The following ANKMY1 variants were observed in gnomAD, a reference collection of about 807,000 sequenced individuals.
The protein encoded by ANKMY1 is ankyrin repeat and MYND domain-containing protein 1.
Under a neutral mutation model 102.0 loss-of-function variants are expected in ANKMY1, and 98 were observed. That is an observed-to-expected ratio of 0.96 (90% CI 0.82 to 1.14). ANKMY1 has a LOEUF of 1.14. Ranked by LOEUF, ANKMY1 falls within the 50% of genes most tolerant of loss-of-function variation. The pLI is 0.00. For missense variants in ANKMY1, 1,330 were observed against 1,347.6 expected, an observed-to-expected ratio of 0.99 and a Z score of 0.20; for synonymous variants, 582 against 559.9, an observed-to-expected ratio of 1.04 and a Z score of -0.56.
intron 4 of ANKMY1, among the ~76,000 whole-genome samples, chr2:240,548,107 A>G (rs2124985147): frequency 6.6e-6 from 1 of 152,304 alleles, no homozygotes; most frequent in East Asian, 1.9e-4. Flanking sequence ...TGATGCAAAA[A>G]TCCTCAATAA....
chr2:240,554,868 C>G lies in ANKMY1; in HGVS notation c.334G>C (p.Glu112Gln), dbSNP rs754304844. The part of the protein sequence containing the change: ...GYGKFSWPTG[E>Q]SYHGQFYRDH... ...GGAGAAAGTGTGGAAGCAGTTACCTCGCCTGTGGGCCAAGAGAATTTGCCA... is the reference window on the plus strand; with the variant it reads ...GGAGAAAGTGTGGAAGCAGTTACCTGGCCTGTGGGCCAAGAGAATTTGCCA... The change falls in exon 3 of 18, where the codon GAG becomes CAG. Residue 112 changes from glutamate to glutamine, a missense_variant and splice_region_variant. Physicochemically the swap from Glu to Gln is conservative, Grantham distance 29. Coordinates refer to ENST00000401804, the MANE Select transcript of ANKMY1 (RefSeq NM_001282771.3). 1.2e-6 allele frequency: 2 copies of G among 1,614,120 alleles called. No homozygotes were observed. Among genetic ancestry groups the G allele is most frequent in the Admixed American group, 3.3e-5 (2 of 60,022 alleles).
intron 13 of ANKMY1, among the ~76,000 whole-genome samples, 148 bp downstream of exon 13, chr2:240,507,402 TGCCACCCAGG>T (rs1328348051): frequency 2.1e-4 from 4 of 18,918 alleles, no homozygotes; most frequent in African/African-American, 8.9e-4. Context: ...CTCACACCCC[TGCCACCCAGG>T]GCCACCCAGC....
chr2:240,503,221 C>G (rs2078515857), intron 13 of ANKMY1, among the ~76,000 whole-genome samples: 1 of 152,204 alleles, frequency 6.6e-6, no homozygotes, highest in Non-Finnish European at 1.5e-5. Context: ...GAACATGGAT[C>G]TTTCAGTGGG....
rs1347264228 is a variant in ANKMY1 at position 240,520,549 on chromosome 2, C to T, written c.1833-16G>A. 4.4e-6 allele frequency: 7 copies of T among 1,603,772 alleles called. No homozygotes were observed. In the East Asian group the frequency reaches 1.6e-4, roughly 36 times the overall value. On this transcript the variant is annotated splice_polypyrimidine_tract_variant and intron_variant, in intron 8 of 17. Coordinates refer to ENST00000401804, the MANE Select transcript of ANKMY1 (RefSeq NM_001282771.3). This position sits in a 1 kb window ranked among gnomAD's most constrained non-coding sequence, Gnocchi z 4.8. ...CTTCCTCCGCCTGAAAAAGACGGTGCGCCCGTGGGCCCCTGGAGGGCAGGC... is the reference window on the plus strand; with the variant it reads ...CTTCCTCCGCCTGAAAAAGACGGTGTGCCCGTGGGCCCCTGGAGGGCAGGC...
At chr2:240,530,810 G>C (rs374514741) in intron 4 of ANKMY1, among the ~76,000 whole-genome samples, 5 of 152,270 alleles carry the variant, frequency 3.3e-5, no homozygotes, top group Non-Finnish European at 2.9e-5. Context: ...GCTACTCAGA[G>C]GCTGAGTTGG....
intron 15 of ANKMY1, among the ~76,000 whole-genome samples, chr2:240,489,974 C>G (rs1361848288): frequency 6.6e-6 from 1 of 152,112 alleles, no homozygotes; most frequent in Admixed American, 6.5e-5. Context: ...TCTAGTTATT[C>G]CCCATTCAAT....
intron 9 of ANKMY1, chr2:240,519,748 A>G (rs1279117653): frequency 1.5e-5 from 3 of 202,344 alleles, no homozygotes; most frequent in Non-Finnish European, 3.1e-5. Context: ...CAGCAGAAAC[A>G]CTAAACTTTC....
At chr2:240,482,404 C>G (rs1243256137) in intron 15 of ANKMY1, 143 bp from the exon 16 acceptor site, 2 of 691,030 alleles carry the variant, frequency 2.9e-6, no homozygotes, top group Admixed American at 6.7e-5. Flanking sequence ...TTTGATGGCT[C>G]CATAGTGGGT....
chr2:240,545,204 G>A (rs1299131548), intron 4 of ANKMY1, among the ~76,000 whole-genome samples: 2 of 152,220 alleles, frequency 1.3e-5, no homozygotes, highest in Admixed American at 6.5e-5. Context: ...CCTGACCTCT[G>A]ACCCCCCGAG....
At chr2:240,511,660 G>C (rs571882285) in intron 11 of ANKMY1, among the ~76,000 whole-genome samples, 1 of 152,236 alleles carries the variant, frequency 6.6e-6, no homozygotes, top group African/African-American at 2.4e-5. Flanking sequence ...CCCAGGCCCC[G>C]TGCGCAGGCG....
At chr2:240,539,963 C>A (rs2088216913) in intron 4 of ANKMY1, among the ~76,000 whole-genome samples, 3 of 152,174 alleles carry the variant, frequency 2.0e-5, no homozygotes, top group Admixed American at 2.0e-4. Flanking sequence ...AAAATAGAGA[C>A]CAGAAGGCTG....
intron 9 of ANKMY1, among the ~76,000 whole-genome samples, chr2:240,513,822 T>C (rs1167752559): frequency 6.6e-6 from 1 of 152,210 alleles, no homozygotes; most frequent in Non-Finnish European, 1.5e-5. Flanking sequence ...GCCTCAAGCA[T>C]GACCAGGGCC....
At chr2:240,546,099 G>A (rs2090305333) in intron 4 of ANKMY1, among the ~76,000 whole-genome samples, 2 of 152,090 alleles carry the variant, frequency 1.3e-5, no homozygotes, top group Admixed American at 1.3e-4. Context: ...AATGTTAAGG[G>A]CAGCCAGAGA....
At chr2:240,507,834 C>G in intron 12 of ANKMY1, 143 bp from the exon 13 acceptor site, 1 of 1,031,708 alleles carries the variant, frequency 9.7e-7, no homozygotes, top group Non-Finnish European at 1.3e-6. Context: ...TCCCACGGAT[C>G]CTACCCACAG....
At chr2:240,510,211 G>A (rs1292471734) in intron 11 of ANKMY1, among the ~76,000 whole-genome samples, 1 of 49,422 alleles carries the variant, frequency 2.0e-5, no homozygotes, top group African/African-American at 7.8e-5. Context: ...TCCCTAGTCC[G>A]TGCCCTCCCT....
At chr2:240,537,125 G>C (rs1216755838) in intron 4 of ANKMY1, among the ~76,000 whole-genome samples, 2 of 152,202 alleles carry the variant, frequency 1.3e-5, no homozygotes, top group African/African-American at 4.8e-5. Flanking sequence ...AGGAATGTGA[G>C]GTTGGCTAAA....
At chr2:240,470,683 C>A in the ANKMY1 span, among the ~76,000 whole-genome samples, 1 of 152,106 alleles carries the variant, frequency 6.6e-6, no homozygotes. Context: ...TCAGACCAAG[C>A]GTCCTGATGT....
rs567943516 is a variant in ANKMY1 at position 240,515,175 on chromosome 2, C to T, written c.2005-2233G>A. ...CATTAATATCAAAAGTACGTGGTTACAAGGCCAGTGTCTGGGCCCCAGTGT... is the reference window on the plus strand; with the variant it reads ...CATTAATATCAAAAGTACGTGGTTATAAGGCCAGTGTCTGGGCCCCAGTGT... On this transcript the variant is annotated intron_variant, in intron 9 of 17. Coordinates refer to ENST00000401804, the MANE Select transcript of ANKMY1 (RefSeq NM_001282771.3). Among the ~76,000 whole-genome samples, 3 of 152,320 alleles carry T rather than the reference C, an allele frequency of 2.0e-5. No individual in the cohort carries two copies. In the East Asian group the frequency reaches 5.8e-4, roughly 29 times the overall value.
intron 15 of ANKMY1, among the ~76,000 whole-genome samples, chr2:240,489,717 G>C (rs1479470351): frequency 6.6e-6 from 1 of 152,146 alleles, no homozygotes; most frequent in Non-Finnish European, 1.5e-5. Context: ...ATATTGACCT[G>C]TAGATTTTTC....
Sources: gnomAD v4.1 joint callset for allele counts (sites outside exome capture counted in the v4.1 genomes callset) on GRCh38, gnomAD v4.1.1 for gene constraint, Gnocchi (gnomAD v3.1) non-coding constraint, MANE v1.5 for transcripts, NCBI Gene and HGNC (gene_info 2026-07-23, HGNC 2026-07-21) for gene names.